INTS4: variants seen among roughly 807,000 people sequenced by gnomAD.
The protein encoded by INTS4 is MSTP093.
A neutral mutation model predicts 119.5 loss-of-function variants in INTS4; 70 were observed. That is an observed-to-expected ratio of 0.59 (90% CI 0.48 to 0.71). INTS4 has a LOEUF of 0.71. Among genes scored for constraint, INTS4 ranks in the 30% least tolerant of loss-of-function variants. The probability of loss-of-function intolerance (pLI) is 0.00; values close to 1 mark genes in which losing one functional copy is unlikely to be tolerated. For synonymous variants in INTS4, 316 were observed against 419.6 expected (o/e 0.75, Z 3.02); for missense variants, 867 against 1,173.2 (o/e 0.74, Z 3.81).
At chr11:77,941,990 G>C (rs937126092) in intron 8 of INTS4, among the ~76,000 whole-genome samples, 9 of 152,144 alleles carry the variant, frequency 5.9e-5, no homozygotes, top group Non-Finnish European at 1.3e-4. Context: ...ATAAATCCAG[G>C]CTCCAAAATC....
chr11:77,932,548 A>G (rs969180948), intron 10 of INTS4, among the ~76,000 whole-genome samples: 2 of 152,204 alleles, frequency 1.3e-5, no homozygotes, highest in African/African-American at 4.8e-5. Flanking sequence ...AGACAGTGTA[A>G]CGATTCCTCA....
chr11:77,885,205 G>A (rs1951952581), intron 21 of INTS4, among the ~76,000 whole-genome samples: 1 of 152,080 alleles, frequency 6.6e-6, no homozygotes, highest in Non-Finnish European at 1.5e-5. Flanking sequence ...AGCCTCCCAA[G>A]TAGCTGGGAT....
At chr11:77,971,685 T>C (rs1591127270) in intron 4 of INTS4, among the ~76,000 whole-genome samples, 1 of 152,128 alleles carries the variant, frequency 6.6e-6, no homozygotes, top group South Asian at 2.1e-4. Context: ...TCATTATATG[T>C]ATGATTTACA....
chr11:77,987,778 G>A, intron 2 of INTS4: 1 of 373,320 alleles, frequency 2.7e-6, no homozygotes, highest in Non-Finnish European at 5.4e-6. Context: ...GGAGGCTGAG[G>A]TGGGAGGATG....
chr11:77,933,841 G>C (rs932138639), intron 10 of INTS4, among the ~76,000 whole-genome samples: 1 of 151,340 alleles, frequency 6.6e-6, no homozygotes, highest in Non-Finnish European at 1.5e-5. Context: ...CGGCCGCCCT[G>C]TCTGGGAAGT....
At chr11:77,974,761 C>G (rs188354704) in intron 4 of INTS4, among the ~76,000 whole-genome samples, 1 of 151,906 alleles carries the variant, frequency 6.6e-6, no homozygotes, top group Non-Finnish European at 1.5e-5. Context: ...CCACCAGACC[C>G]GGCTAATTTT....
intron 8 of INTS4, among the ~76,000 whole-genome samples, chr11:77,955,373 A>C (rs1370575852): frequency 1.3e-5 from 2 of 152,162 alleles, no homozygotes; most frequent in Non-Finnish European, 1.5e-5. Context: ...TGGGGTTTTA[A>C]ATTCAGGTCA....
At chr11:77,945,011 T>C (rs570512374) in intron 8 of INTS4, among the ~76,000 whole-genome samples, 1 of 152,272 alleles carries the variant, frequency 6.6e-6, no homozygotes, top group East Asian at 1.9e-4. Context: ...CAAATAACTA[T>C]ATTTCAACTA....
intron 7 of INTS4, 47 bp from the exon 8 acceptor site, chr11:77,956,109 C>T: frequency 6.4e-7 from 1 of 1,550,586 alleles, no homozygotes. Flanking sequence ...AAAACATGAA[C>T]CTAAGTCTGC....
Position 77,956,008 on chromosome 11 carries a change from A to G in INTS4, c.852T>C (p.Phe284=). The part of the protein sequence containing the change: ...NEEIRLVDDA[F]GKICHMVSDG... ...CACTGACCATGTGACAAATTTTGCC[A>G]AACGCATCATCAACTAAGCGTATTT... The change falls in exon 8 of 23, where the codon TTT becomes TTC. Residue 284 remains phenylalanine, a synonymous_variant. Coordinates refer to ENST00000534064, the MANE Select transcript of INTS4 (RefSeq NM_033547.4). 1 of 1,611,130 alleles carries G rather than the reference A, an allele frequency of 6.2e-7. No individual in the cohort carries two copies. Among genetic ancestry groups the G allele is most frequent in the Non-Finnish European group, 8.5e-7 (1 of 1,179,680 alleles).
rs1455495541 is a variant in INTS4, at chr11:77,941,247, G to C, written c.923C>G (p.Ser308Cys). 2 of 1,604,146 alleles carry C rather than the reference G, an allele frequency of 1.2e-6. No individual in the cohort carries two copies. Among genetic ancestry groups the C allele is most frequent in the Non-Finnish European group, 1.7e-6 (2 of 1,177,618 alleles). ...GAAATGAGAACTGACTTGCTCCATA[G>C]AGCCCTATAAAAAGAAAAATCCAGA... is the stretch of plus-strand genomic sequence containing the variant. Reference protein sequence around the residue: ...VRVQAAKLLGSMEQVSSHFLE... With the variant: ...VRVQAAKLLGCMEQVSSHFLE... Residue 308 changes from serine to cysteine, a missense_variant, in exon 9 of 23, where the codon TCT (serine) becomes TGT (cysteine). Around this residue, in one of 5 missense-constraint regions of INTS4, gnomAD observed 208 missense variants for 306.6 expected, o/e 0.68. Coordinates refer to ENST00000534064, the MANE Select transcript of INTS4 (RefSeq NM_033547.4).
intron 18 of INTS4, among the ~76,000 whole-genome samples, chr11:77,899,362 G>A (rs1404788411): frequency 1.3e-5 from 2 of 151,886 alleles, no homozygotes; most frequent in Non-Finnish European, 2.9e-5. Context: ...AAAGAAAAAA[G>A]CAGGAATGCA....
intron 19 of INTS4, among the ~76,000 whole-genome samples, chr11:77,892,584 T>C (rs990443138): frequency 6.6e-6 from 1 of 152,202 alleles, no homozygotes; most frequent in Non-Finnish European, 1.5e-5. Flanking sequence ...CTAGAATTTT[T>C]TTTTAATTTT....
intron 15 of INTS4, 126 bp from the exon 16 acceptor site, chr11:77,907,936 C>A: frequency 4.9e-6 from 3 of 610,756 alleles, no homozygotes; most frequent in Non-Finnish European, 8.5e-6. Context: ...AATGACGACA[C>A]TGAATGCTGG....
At chr11:77,905,890 C>A (rs1427948535) in intron 16 of INTS4, among the ~76,000 whole-genome samples, 2 of 152,168 alleles carry the variant, frequency 1.3e-5, no homozygotes, top group East Asian at 3.8e-4. Context: ...ACCCACCCAA[C>A]TGTCATTAGT....
At chr11:77,946,425 G>A (rs116180731) in intron 8 of INTS4, among the ~76,000 whole-genome samples, 3,764 of 152,198 alleles carry the variant, frequency 0.025, 146 homozygotes, top group African/African-American at 0.084. Context: ...TCTTACACAC[G>A]ATAAATGAAA....
chr11:77,923,299 AAG>A (rs1953408979), intron 12 of INTS4, among the ~76,000 whole-genome samples: 1 of 146,388 alleles, frequency 6.8e-6, no homozygotes, highest in South Asian at 2.2e-4. Context: ...CCTGGCGATA[AAG>A]AGAGACTCTG....
At chr11:77,959,535 C>A (rs1283679483) in intron 6 of INTS4, among the ~76,000 whole-genome samples, 1 of 152,016 alleles carries the variant, frequency 6.6e-6, no homozygotes, top group Non-Finnish European at 1.5e-5. Context: ...TCTGAATCAG[C>A]CAACTAACTT....
chr11:77,896,807 G>C (rs866361432), intron 18 of INTS4, among the ~76,000 whole-genome samples: 2 of 148,908 alleles, frequency 1.3e-5, no homozygotes, highest in African/African-American at 4.9e-5. Context: ...AAATAATGGA[G>C]GAAAAAAAAA....
Sources: gnomAD v4.1 joint callset for allele counts (sites outside exome capture counted in the v4.1 genomes callset) on GRCh38, gnomAD v4.1.1 for gene constraint, gnomAD v4.1.1 regional missense constraint, MANE v1.5 for transcripts, NCBI Gene and HGNC (gene_info 2026-07-23, HGNC 2026-07-21) for gene names.